PLEKHH2: variants seen among roughly 807,000 people sequenced by gnomAD.
The protein encoded by PLEKHH2 is pleckstrin homology domain-containing family H member 2.
Under a neutral mutation model 187.9 loss-of-function variants are expected in PLEKHH2, and 129 were observed. That is an observed-to-expected ratio of 0.69 (90% CI 0.59 to 0.79). PLEKHH2 has a LOEUF of 0.79. Ranked by LOEUF, PLEKHH2 falls within the 30% of genes least tolerant of loss-of-function variation. The pLI is 0.00. For missense variants in PLEKHH2, 2,076 were observed against 1,751.2 expected, an observed-to-expected ratio of 1.19 and a Z score of -3.31; for synonymous variants, 686 against 605.6, an observed-to-expected ratio of 1.13 and a Z score of -1.95.
chr2:43,684,771 A>G (rs1211270041), intron 3 of PLEKHH2, among the ~76,000 whole-genome samples: 1 of 151,980 alleles, frequency 6.6e-6, no homozygotes, highest in Non-Finnish European at 1.5e-5. Flanking sequence ...TCTTTAAGCA[A>G]AAATACACCA....
chr2:43,732,630 C>T (rs1671095463), intron 19 of PLEKHH2, among the ~76,000 whole-genome samples: 3 of 152,172 alleles, frequency 2.0e-5, no homozygotes, highest in Admixed American at 6.6e-5. Context: ...CCTACAAGCT[C>T]TTATATTTTT....
At chr2:43,656,944 G>A (rs754540393) in intron 2 of PLEKHH2, among the ~76,000 whole-genome samples, 11 of 152,178 alleles carry the variant, frequency 7.2e-5, no homozygotes, top group Non-Finnish European at 1.2e-4. Context: ...GCTTGAGCCC[G>A]AGAGGTGGAG....
intron 20 of PLEKHH2, among the ~76,000 whole-genome samples, chr2:43,739,647 G>A (rs1300967371): frequency 2.0e-5 from 3 of 152,222 alleles, no homozygotes; most frequent in African/African-American, 7.2e-5. Context: ...GAGGGAATCT[G>A]AAGCTTAAGC....
chr2:43,649,098 C>A (rs1429776024), intron 2 of PLEKHH2, among the ~76,000 whole-genome samples: 1 of 151,876 alleles, frequency 6.6e-6, no homozygotes, highest in Non-Finnish European at 1.5e-5. Flanking sequence ...AATATTGAAG[C>A]TTGTGAAGAA....
chr2:43,682,937 T>TAC (rs1401192812), intron 3 of PLEKHH2, among the ~76,000 whole-genome samples: 525 of 126,668 alleles, frequency 4.1e-3, no homozygotes, highest in African/African-American at 5.7e-3. Context: ...ATGTTCCATA[T>TAC]ATACACACAC....
intron 2 of PLEKHH2, among the ~76,000 whole-genome samples, 194 bp downstream of exon 2, chr2:43,644,990 A>G (rs927955103): frequency 1.3e-5 from 2 of 152,158 alleles, no homozygotes; most frequent in African/African-American, 2.4e-5. Context: ...TGCAAATGCT[A>G]GTGGCATATG....
At chr2:43,722,583 A>G (rs971890051) in intron 16 of PLEKHH2, among the ~76,000 whole-genome samples, 1 of 152,214 alleles carries the variant, frequency 6.6e-6, no homozygotes, top group African/African-American at 2.4e-5. Context: ...TGGGAACCAT[A>G]ACAGGGAAGG....
At chr2:43,644,845 C>G in intron 2 of PLEKHH2, 49 bp downstream of exon 2, 3 of 1,497,012 alleles carry the variant, frequency 2.0e-6, no homozygotes, top group South Asian at 2.6e-5. Context: ...TATTTAGGGT[C>G]TGCTTCATTT....
chr2:43,710,156 AG>A, intron 12 of PLEKHH2, 30 bp downstream of exon 12: 1 of 1,610,108 alleles, frequency 6.2e-7, no homozygotes. Context: ...TTTAAAAAGC[AG>A]TCAGTCAGAT....
At chr2:43,701,350 C>T (rs377169298) in intron 8 of PLEKHH2, among the ~76,000 whole-genome samples, 7 of 152,296 alleles carry the variant, frequency 4.6e-5, no homozygotes, top group Middle Eastern at 3.4e-3. Flanking sequence ...TCCTTCTCAG[C>T]TTACCAATCA....
intron 15 of PLEKHH2, among the ~76,000 whole-genome samples, chr2:43,716,111 G>A (rs1239626231): frequency 6.6e-6 from 1 of 152,148 alleles, no homozygotes; most frequent in African/African-American, 2.4e-5. Context: ...ATACCTTTCA[G>A]TATGTTAGAA....
intron 24 of PLEKHH2, among the ~76,000 whole-genome samples, chr2:43,749,430 C>T (rs1671918970): frequency 1.3e-5 from 2 of 152,138 alleles, no homozygotes; most frequent in Non-Finnish European, 2.9e-5. Flanking sequence ...AGCAGCTCCC[C>T]GACCACCTTG....
At chr2:43,675,828 G>T (rs764191875) in intron 2 of PLEKHH2, 3 of 1,613,976 alleles carry the variant, frequency 1.9e-6, no homozygotes, top group Admixed American at 3.3e-5. Flanking sequence ...GGCCCAGATA[G>T]AAGGGCTGGG....
chr2:43,684,884 T>C (rs1668423668), intron 3 of PLEKHH2, among the ~76,000 whole-genome samples: 1 of 151,884 alleles, frequency 6.6e-6, no homozygotes, highest in Admixed American at 6.6e-5. Context: ...TAGCAAAACC[T>C]GTAGGCATTT....
chr2:43,705,630 GT>G (rs1044681848), intron 9 of PLEKHH2, among the ~76,000 whole-genome samples: 9 of 152,094 alleles, frequency 5.9e-5, no homozygotes, highest in African/African-American at 1.7e-4. Flanking sequence ...TTTGGTTTTG[GT>G]TTTTGTTTGA....
At chr2:43,705,460 G>C (rs1000417326) in intron 9 of PLEKHH2, among the ~76,000 whole-genome samples, 1 of 151,562 alleles carries the variant, frequency 6.6e-6, no homozygotes, top group African/African-American at 2.4e-5. Flanking sequence ...GTCTCACTGT[G>C]TTGCCCAGAC....
intron 7 of PLEKHH2, 123 bp from the exon 8 acceptor site, chr2:43,699,524 C>T (rs1193458119): frequency 5.0e-6 from 6 of 1,196,492 alleles, no homozygotes; most frequent in Non-Finnish European, 3.5e-6. Context: ...ACTACAGGTA[C>T]ACACCACTGC....
intron 19 of PLEKHH2, among the ~76,000 whole-genome samples, chr2:43,732,094 T>C (rs1671067188): frequency 6.6e-6 from 1 of 152,226 alleles, no homozygotes; most frequent in Non-Finnish European, 1.5e-5. Flanking sequence ...CCAGGTGTGG[T>C]GGCTTACTCC....
At chr2:43,640,496 T>A (rs1195139660) in intron 1 of PLEKHH2, among the ~76,000 whole-genome samples, 1 of 152,210 alleles carries the variant, frequency 6.6e-6, no homozygotes, top group East Asian at 1.9e-4. Context: ...GCTGGCCTGT[T>A]TAAACTTTTC....
Sources: gnomAD v4.1 joint callset for allele counts (sites outside exome capture counted in the v4.1 genomes callset) on GRCh38, gnomAD v4.1.1 for gene constraint, MANE v1.5 for transcripts, NCBI Gene and HGNC (gene_info 2026-07-23, HGNC 2026-07-21) for gene names.